RXRA: variants seen among roughly 807,000 people sequenced by gnomAD.
The protein encoded by RXRA is retinoic acid receptor RXR-alpha.
In RXRA, 5 loss-of-function variants were observed where a neutral mutation model predicts 44.5. The ratio of observed to expected loss-of-function variants is 0.11; its 90% CI spans 0.06 to 0.24. The LOEUF (loss-of-function observed/expected upper bound fraction) is 0.24, where lower values mean the gene tolerates loss of function less well. Ranked by LOEUF, RXRA falls within the 10% of genes least tolerant of loss-of-function variation. The pLI is 1.00. For missense variants in RXRA, 412 were observed against 646.5 expected (o/e 0.64, Z 3.93); for synonymous variants, 291 against 271.4 (o/e 1.07, Z -0.71).
At chr9:134,353,665 G>C (rs1050115421) in intron 1 of RXRA, among the ~76,000 whole-genome samples, 1 of 152,232 alleles carries the variant, frequency 6.6e-6, no homozygotes, top group East Asian at 1.9e-4. Flanking sequence ...CTTTCCCCAG[G>C]GTGGCAGGGC....
chr9:134,361,883 A>G (rs1175917012), intron 1 of RXRA, among the ~76,000 whole-genome samples: 1 of 152,160 alleles, frequency 6.6e-6, no homozygotes, highest in Non-Finnish European at 1.5e-5. Context: ...CAGGGTCCCC[A>G]TCTGTAGAAT....
chr9:134,340,185 G>A (rs1830069591), intron 1 of RXRA, among the ~76,000 whole-genome samples: 1 of 152,146 alleles, frequency 6.6e-6, no homozygotes, highest in Non-Finnish European at 1.5e-5. Context: ...GATGGCTTGT[G>A]CCTGCGGGTC....
intron 1 of RXRA, among the ~76,000 whole-genome samples, chr9:134,348,786 CAGAAGA>C (rs1830185866): frequency 9.0e-6 from 1 of 111,320 alleles, no homozygotes; most frequent in Non-Finnish European, 1.7e-5. Context: ...ATTCGGTGGT[CAGAAGA>C]CTTCCCGGAC....
rs1831064657 is a variant in RXRA at position 134,407,135 on chromosome 9, G to A, written c.280-1014G>A. ...GAACCTAGAAGCCAGAACAAGCTGG[G>A]GCTGGAAGACTCATTCCAGGCACCG... is the stretch of plus-strand genomic sequence containing the variant. On this transcript the variant is annotated intron_variant, in intron 2 of 9. Coordinates refer to ENST00000481739, the MANE Select transcript of RXRA (RefSeq NM_002957.6). This position sits in a 1 kb window ranked among gnomAD's most constrained non-coding sequence, Gnocchi z 4.8. 6.6e-6 allele frequency among the ~76,000 whole-genome samples: 1 copy of A among 152,204 alleles called. No homozygotes were observed. Among genetic ancestry groups the A allele is most frequent in the Non-Finnish European group, 1.5e-5 (1 of 68,034 alleles).
At chr9:134,339,573 TTG>T (rs1304475178) in intron 1 of RXRA, among the ~76,000 whole-genome samples, 1 of 131,138 alleles carries the variant, frequency 7.6e-6, no homozygotes, top group Admixed American at 7.6e-5. Context: ...CCATGGCCTT[TTG>T]TGAGCCTGTG....
At chr9:134,422,200 G>A (rs1212131655) in intron 6 of RXRA, 18 of 1,268,276 alleles carry the variant, frequency 1.4e-5, no homozygotes, top group Admixed American at 7.3e-5. Context: ...CCCCCTCCAG[G>A]GACACACTTC....
intron 1 of RXRA, among the ~76,000 whole-genome samples, chr9:134,388,914 G>T (rs1235812135): frequency 6.6e-6 from 1 of 152,180 alleles, no homozygotes; most frequent in Admixed American, 6.5e-5. Flanking sequence ...TTGACGGACT[G>T]GGTGTGGGTC....
chr9:134,435,898 C>T (rs942242722), intron 9 of RXRA, among the ~76,000 whole-genome samples: 3 of 152,254 alleles, frequency 2.0e-5, no homozygotes, highest in African/African-American at 7.2e-5. Flanking sequence ...GACAGTCTGG[C>T]TGTGTCGCCC....
chr9:134,417,384 C>CA lies in RXRA; in HGVS notation c.780+58dup. Reference sequence around the variant, plus strand: ...CTCACATGCCTCAGTTTCCCTCACTCACTCACCCTCCCACCTGAGCAGCTG... The same window carrying CA: ...CTCACATGCCTCAGTTTCCCTCACTCAACTCACCCTCCCACCTGAGCAGCTG... On this transcript the variant is annotated intron_variant, in intron 5 of 9. Transcript: ENST00000481739. This position sits in a 1 kb window ranked among gnomAD's most constrained non-coding sequence, Gnocchi z 6.1. 1 of 1,573,240 alleles carries CA rather than the reference C, an allele frequency of 6.4e-7. No homozygotes were observed. The highest frequency in any genetic ancestry group is 8.7e-7 in the Non-Finnish European group (1 of 1,152,406).
chr9:134,424,239 C>T, intron 6 of RXRA: 1 of 985,422 alleles, frequency 1.0e-6, no homozygotes, highest in Non-Finnish European at 1.2e-6. Context: ...AAGGCCCTTC[C>T]CTTAGCCCAG....
intron 1 of RXRA, among the ~76,000 whole-genome samples, chr9:134,382,688 G>A (rs920259485): frequency 6.6e-6 from 1 of 152,160 alleles, no homozygotes; most frequent in Non-Finnish European, 1.5e-5. Context: ...TGAGGCCTGA[G>A]TGGGCAGTAT....
chr9:134,339,687 GTGT>G (rs1554747846), intron 1 of RXRA, among the ~76,000 whole-genome samples: 1 of 151,030 alleles, frequency 6.6e-6, no homozygotes, highest in African/African-American at 2.4e-5. Context: ...GTGTGTGTGT[GTGT>G]CTCTGTGTGT....
intron 1 of RXRA, among the ~76,000 whole-genome samples, chr9:134,376,260 C>T (rs1156723900): frequency 5.3e-5 from 8 of 152,244 alleles, no homozygotes; most frequent in East Asian, 1.9e-4. Context: ...TCGCACCTCG[C>T]AGTGCCCAGG....
chr9:134,434,730 G>A (rs754543767), intron 9 of RXRA, among the ~76,000 whole-genome samples: 4 of 152,252 alleles, frequency 2.6e-5, no homozygotes, highest in Non-Finnish European at 5.9e-5. Flanking sequence ...CCACAGTGCT[G>A]GGTGCACAGT....
chr9:134,431,914 G>A lies in RXRA; in HGVS notation c.1053G>A (p.Thr351=), dbSNP rs756232036. The part of the protein sequence containing the change: ...GVGAIFDRVL[T]ELVSKMRDMQ... ...CCCTCCTCCTCTGCAGGGTGCTGAC[G>A]GAGCTTGTGTCCAAGATGCGGGACA... The change falls in exon 8 of 10, where the codon ACG becomes ACA. Residue 351 remains threonine, a synonymous_variant. Transcript: ENST00000481739. 3.7e-5 allele frequency: 59 copies of A among 1,613,514 alleles called. No homozygotes were observed. Among genetic ancestry groups the A allele is most frequent in the African/African-American group, 5.3e-5 (4 of 74,936 alleles).
intron 1 of RXRA, among the ~76,000 whole-genome samples, chr9:134,396,442 G>A (rs1257113271): frequency 6.6e-6 from 1 of 152,158 alleles, no homozygotes; most frequent in Non-Finnish European, 1.5e-5. Flanking sequence ...CCGGAGGTGG[G>A]GGCTGGAGGT....
Position 134,436,486 on chromosome 9 carries a change from C to T in RXRA, c.1261C>T (p.Arg421Cys), listed in dbSNP as rs1831623315. ...CTGCAGGTTCGCTAAGCTCTTGCTC[C>T]GCCTGCCGGCTCTGCGCTCCATCGG... ...QPGRFAKLLL[R>C]LPALRSIGLK... Residue 421 changes from arginine (R) to cysteine (C), a missense_variant, in exon 10 of 10, where the codon CGC becomes TGC. Physicochemically the swap from Arg to Cys is radical, Grantham distance 180. Transcript: ENST00000481739. 3.1e-6 allele frequency: 5 copies of T among 1,613,998 alleles called. No homozygotes were observed. Among genetic ancestry groups the T allele is most frequent in the Non-Finnish European group, 4.2e-6 (5 of 1,180,042 alleles).
intron 1 of RXRA, among the ~76,000 whole-genome samples, chr9:134,381,239 G>A (rs1222174315): frequency 6.6e-6 from 1 of 152,198 alleles, no homozygotes. Context: ...GTATGGGAGT[G>A]CGTGGCCAGG....
At chr9:134,411,172 TC>T (rs1831142360) in intron 4 of RXRA, among the ~76,000 whole-genome samples, 1 of 152,140 alleles carries the variant, frequency 6.6e-6, no homozygotes, top group Non-Finnish European at 1.5e-5. Flanking sequence ...CTGAGCCCCG[TC>T]CCGGACCCTC....
Sources: allele counts gnomAD v4.1 joint callset (sites outside exome capture counted in the v4.1 genomes callset), GRCh38; gene constraint gnomAD v4.1.1; non-coding constraint Gnocchi (gnomAD v3.1); transcripts MANE v1.5; gene names NCBI Gene and HGNC (gene_info 2026-07-23, HGNC 2026-07-21).